ALK: variants seen among roughly 807,000 people sequenced by gnomAD.
The protein encoded by ALK is ALK receptor tyrosine kinase, also known as ALK tyrosine kinase receptor.
In ALK, 74 loss-of-function variants were observed where a neutral mutation model predicts 163.1. The observed-to-expected ratio is 0.45, with a 90% CI of 0.38 to 0.55. ALK has a LOEUF of 0.55. Among genes scored for constraint, ALK ranks in the 20% least tolerant of loss-of-function variants. ALK has a pLI of 0.00. For missense variants in ALK, 2,063 were observed against 2,105.3 expected, an observed-to-expected ratio of 0.98 and a Z score of 0.39; for synonymous variants, 960 against 843.2, an observed-to-expected ratio of 1.14 and a Z score of -2.40.
intron 1 of ALK, among the ~76,000 whole-genome samples, chr2:29,873,964 C>T (rs1218161869): frequency 6.6e-6 from 1 of 152,120 alleles, no homozygotes; most frequent in Non-Finnish European, 1.5e-5. Flanking sequence ...CACTTTCTTT[C>T]AGCAGAACCC....
At chr2:29,379,196 G>C (rs1280445429) in intron 5 of ALK, among the ~76,000 whole-genome samples, 1 of 152,204 alleles carries the variant, frequency 6.6e-6, no homozygotes, top group Non-Finnish European at 1.5e-5. Context: ...GCCCAGGCAT[G>C]GGTGTCTCTG....
chr2:29,457,013 A>G (rs1670973416), intron 4 of ALK, among the ~76,000 whole-genome samples: 1 of 152,208 alleles, frequency 6.6e-6, no homozygotes, highest in South Asian at 2.1e-4. Context: ...AAGTAATCAC[A>G]AGCCAGTCTG....
At chr2:29,569,445 G>C (rs188741998) in intron 3 of ALK, among the ~76,000 whole-genome samples, 1 of 152,134 alleles carries the variant, frequency 6.6e-6, no homozygotes, top group Non-Finnish European at 1.5e-5. Context: ...CTTGTCTATA[G>C]AATGGGTTGG....
chr2:29,221,115 A>C, intron 22 of ALK: 1 of 586,700 alleles, frequency 1.7e-6, no homozygotes, highest in Non-Finnish European at 3.3e-6. Flanking sequence ...GAAGTGTCTC[A>C]GGGGGCAGGA....
chr2:29,581,810 AT>A lies in ALK; in HGVS notation c.953-49695del, dbSNP rs374360585. On this transcript the variant is annotated intron_variant, in intron 3 of 28. Coordinates refer to ENST00000389048, the MANE Select transcript of ALK (RefSeq NM_004304.5). ...TCTTTCCAAATTGGAAAGACTGGGC[AT>A]TTGCCTCTGCTGAGTTTTTGCTCAG... Among the ~76,000 whole-genome samples, 66 of 152,272 alleles carry A rather than the reference AT, an allele frequency of 4.3e-4. 2 individuals are homozygous for A. In the East Asian group the frequency reaches 0.01, roughly 23 times the overall value.
chr2:29,782,129 G>A (rs899007862), intron 1 of ALK, among the ~76,000 whole-genome samples: 2 of 152,144 alleles, frequency 1.3e-5, no homozygotes, highest in African/African-American at 2.4e-5. Context: ...ACACAAAAAT[G>A]TTGTTTAATT....
At chr2:29,735,883 T>C (rs1186591908) in intron 1 of ALK, among the ~76,000 whole-genome samples, 5 of 152,086 alleles carry the variant, frequency 3.3e-5, no homozygotes, top group Admixed American at 2.6e-4. Context: ...CTCTTTCCTT[T>C]ATGAATTACC....
rs911297331 is a variant in ALK at position 29,509,548 on chromosome 2, T to A, written c.1154+22367A>T. Among the ~76,000 whole-genome samples, 38 of 152,188 alleles carry A rather than the reference T, an allele frequency of 2.5e-4. 1 individual carries two copies. Among genetic ancestry groups the A allele is most frequent in the Non-Finnish European group, 1.0e-4 (7 of 68,024 alleles). On this transcript the variant is annotated intron_variant, in intron 4 of 28. Transcript: ENST00000389048. ...GCAACTATCTCTCTCTGAGTCCTCA[T>A]GAATCCTAGGAACTTTTATACTTTT...
chr2:29,290,337 TG>T (rs903877330), intron 9 of ALK, among the ~76,000 whole-genome samples: 12 of 152,102 alleles, frequency 7.9e-5, no homozygotes, highest in African/African-American at 2.2e-4. Flanking sequence ...CTGCCGTGGA[TG>T]GGGAGATGTG....
chr2:29,355,372 T>C (rs1385768347), intron 5 of ALK, among the ~76,000 whole-genome samples: 1 of 152,182 alleles, frequency 6.6e-6, no homozygotes, highest in Admixed American at 6.5e-5. Context: ...GTAATTTCTC[T>C]GGTTCTCAGG....
In ALK at chr2:29,328,559, T is replaced by C. The variant is rs572214303; in HGVS notation, c.1283-78A>G. On this transcript the variant is annotated intron_variant, in intron 5 of 28. Transcript: ENST00000389048. ...CAGCTGGCCTGATGGGTTGGTCCCA[T>C]GGGCAGGCTGCAGGGACAGCATTAT... 3.4e-4 allele frequency: 535 copies of C among 1,586,946 alleles called. 3 individuals are homozygous for C. In the African/African-American group the frequency reaches 5.9e-3, roughly 17 times the overall value.
At chr2:29,815,801 A>G (rs1664880833) in intron 1 of ALK, among the ~76,000 whole-genome samples, 1 of 152,064 alleles carries the variant, frequency 6.6e-6, no homozygotes, top group Admixed American at 6.5e-5. Flanking sequence ...ACTGACCCAA[A>G]ACTGAGGCCC....
chr2:29,511,057 C>A (rs1407778506), intron 4 of ALK, among the ~76,000 whole-genome samples: 1 of 152,166 alleles, frequency 6.6e-6, no homozygotes, highest in East Asian at 1.9e-4. Context: ...TTCCTCATCT[C>A]CTTTTCACTA....
intron 3 of ALK, among the ~76,000 whole-genome samples, chr2:29,690,647 T>C (rs1678369301): frequency 6.6e-6 from 1 of 152,232 alleles, no homozygotes. Context: ...TATAATATTA[T>C]GTTCCATCAA....
At chr2:29,295,527 T>G (rs1294683978) in intron 9 of ALK, among the ~76,000 whole-genome samples, 5 of 152,174 alleles carry the variant, frequency 3.3e-5, no homozygotes, top group African/African-American at 1.2e-4. Flanking sequence ...TCACTGATCC[T>G]TGGAATGTCC....
chr2:29,282,880 G>A (rs527696652), intron 9 of ALK, among the ~76,000 whole-genome samples: 14 of 152,310 alleles, frequency 9.2e-5, no homozygotes, highest in African/African-American at 2.9e-4. Flanking sequence ...CCTGTGCTCT[G>A]GTGTGTCACC....
intron 3 of ALK, among the ~76,000 whole-genome samples, chr2:29,574,851 C>T (rs1674479244): frequency 6.6e-6 from 1 of 152,218 alleles, no homozygotes; most frequent in African/African-American, 2.4e-5. Flanking sequence ...CCCACACACA[C>T]CCTTTCCAAA....
chr2:29,232,594 C>G, intron 14 of ALK, 146 bp from the exon 15 acceptor site: 2 of 1,083,250 alleles, frequency 1.8e-6, no homozygotes, highest in Middle Eastern at 4.0e-4. Flanking sequence ...GGTTTGCGGG[C>G]TCTGAACCCT....
In ALK at chr2:29,531,951, C is replaced by A. The variant is rs1318677209; in HGVS notation, c.1118G>T (p.Arg373Ile). The A allele has an allele frequency of 6.8e-6, 11 of 1,614,068 alleles. No homozygotes were observed. The highest frequency in any genetic ancestry group is 7.6e-6 in the Non-Finnish European group (9 of 1,180,032). Residue 373 changes from arginine to isoleucine, a missense_variant, in exon 4 of 29, where the codon AGA (arginine) becomes ATA (isoleucine). Physicochemically the swap from Arg to Ile is moderately conservative, Grantham distance 97 (BLOSUM62 -3). Transcript: ENST00000389048. Reference sequence around the variant, plus strand: ...TGGAGTGGGCATCAGGAGGATCTCTCTTGCAGCCTCGTTGTGGGGCAGCAG... The same window carrying A: ...TGGAGTGGGCATCAGGAGGATCTCTATTGCAGCCTCGTTGTGGGGCAGCAG... ...AQLLPHNEAA[R>I]EILLMPTPGK...
Sources: gnomAD v4.1 joint callset for allele counts (sites outside exome capture counted in the v4.1 genomes callset) on GRCh38, gnomAD v4.1.1 for gene constraint, MANE v1.5 for transcripts, NCBI Gene and HGNC (gene_info 2026-07-23, HGNC 2026-07-21) for gene names.